Variants in LMAN2 observed in about 807,000 individuals in gnomAD.
LMAN2 encodes the protein vesicular integral-membrane protein VIP36.
A neutral mutation model predicts 39.3 loss-of-function variants in LMAN2; 22 were observed. The ratio of observed to expected loss-of-function variants is 0.56; its 90% CI spans 0.40 to 0.80. LMAN2 has a LOEUF of 0.80. Among genes scored for constraint, LMAN2 ranks in the 30% least tolerant of loss-of-function variants. LMAN2 has a pLI of 0.00. For missense variants in LMAN2, 494 were observed against 505.4 expected, an observed-to-expected ratio of 0.98 and a Z score of 0.22; for synonymous variants, 207 against 207.8, an observed-to-expected ratio of 1.00 and a Z score of 0.03.
chr5:177,339,542 A>T (rs73804303), intron 2 of LMAN2, among the ~76,000 whole-genome samples: 13,468 of 152,248 alleles, frequency 0.088, 1,286 homozygotes, highest in African/African-American at 0.25. Context: ...GTGTCAACAC[A>T]CACGGTGACA....
chr5:177,345,070 G>A (rs138036115), intron 2 of LMAN2, among the ~76,000 whole-genome samples: 196 of 152,100 alleles, frequency 1.3e-3, no homozygotes, highest in African/African-American at 4.4e-3. Context: ...GCTGGGCGCA[G>A]TGGCTCATGC....
Position 177,332,210 on chromosome 5 carries a change from C to G in LMAN2, c.947G>C (p.Gly316Ala). ...GAACACCCGCCACCCCGTCAGGGGCCCGCTGCGGAAGTTCCCCGTGGGGTC... is the reference window on the plus strand; with the variant it reads ...GAACACCCGCCACCCCGTCAGGGGCGCGCTGCGGAAGTTCCCCGTGGGGTC... ...VDDPTGNFRS[G>A]PLTGWRVFLL... Residue 316 changes from glycine (G) to alanine (A), a missense_variant, in exon 8 of 8, where the codon GGG (glycine) becomes GCG (alanine). Physicochemically the swap from Gly to Ala is moderately conservative, Grantham distance 60. Coordinates refer to ENST00000303127, the MANE Select transcript of LMAN2 (RefSeq NM_006816.3). The surrounding 1 kb of genome is among the most constrained non-coding windows in gnomAD (Gnocchi z 6.3). 1 of 1,613,234 alleles carries G rather than the reference C, an allele frequency of 6.2e-7. No individual in the cohort carries two copies. The highest frequency in any genetic ancestry group is 8.5e-7 in the Non-Finnish European group (1 of 1,179,852).
At chr5:177,347,454 T>C (rs1761652923) in intron 2 of LMAN2, among the ~76,000 whole-genome samples, 1 of 152,174 alleles carries the variant, frequency 6.6e-6, no homozygotes, top group South Asian at 2.1e-4. Context: ...AGACATACTA[T>C]GATACAGACA....
intron 2 of LMAN2, among the ~76,000 whole-genome samples, 167 bp from the exon 3 acceptor site, chr5:177,338,772 T>C (rs937647291): frequency 6.6e-6 from 1 of 152,186 alleles, no homozygotes; most frequent in Non-Finnish European, 1.5e-5. Flanking sequence ...GACCCCTAAA[T>C]GTTCTGGCCG....
chr5:177,346,461 GTT>G, intron 2 of LMAN2: 1 of 283,512 alleles, frequency 3.5e-6, no homozygotes, highest in Non-Finnish European at 6.2e-6. Context: ...ACCGGTTGTT[GTT>G]TTTTTTTTAA....
Position 177,351,554 on chromosome 5 carries a change from G to A in LMAN2, c.94C>T (p.Pro32Ser), listed in dbSNP as rs201793728. 12 of 1,614,142 alleles carry A rather than the reference G, an allele frequency of 7.4e-6. No individual in the cohort carries two copies. The Admixed American group carries it at 1.3e-4, about 18-fold the overall frequency. ...CCCAACAACAAAAGAAGAAAGAGAG[G>A]TGTAGTGGGGCCAGGGCCGGGGCCG... Reference protein sequence around the residue: ...LLGPGPGPTTPLFLLLLLGSV... With the variant: ...LLGPGPGPTTSLFLLLLLGSV... The change falls in exon 1 of 8, where the codon CCT (proline) becomes TCT (serine). Residue 32 changes from proline to serine, a missense_variant. Transcript: ENST00000303127.
At chr5:177,339,512 A>C (rs1761522771) in intron 2 of LMAN2, among the ~76,000 whole-genome samples, 2 of 152,242 alleles carry the variant, frequency 1.3e-5, no homozygotes. Context: ...GGCATCAGGA[A>C]GTCGCTTGTG....
chr5:177,348,009 C>T (rs572669068), intron 2 of LMAN2, among the ~76,000 whole-genome samples: 77 of 152,202 alleles, frequency 5.1e-4, no homozygotes, highest in Non-Finnish European at 5.4e-4. Context: ...TTTAAGAGAA[C>T]ACAGTTTCTC....
Position 177,334,403 on chromosome 5 carries a change from T to C in LMAN2, c.791A>G (p.Asp264Gly), listed in dbSNP as rs1488085588. 8.7e-6 allele frequency: 14 copies of C among 1,612,246 alleles called. No homozygotes were observed. Among genetic ancestry groups the C allele is most frequent in the Non-Finnish European group, 1.2e-5 (14 of 1,179,682 alleles). ...CTTCATGGAGATGATGTCATGATTG[T>C]CTGCAGGACCAAGAATAAACCTGTG... Reference protein sequence around the residue: ...GASAGTGDLSDNHDIISMKLF... With the variant: ...GASAGTGDLSGNHDIISMKLF... Residue 264 changes from aspartate (D) to glycine (G), a missense_variant and splice_region_variant, in exon 7 of 8, where the codon GAC (aspartate) becomes GGC (glycine). Asp to Gly is a moderately conservative substitution (Grantham distance 94, BLOSUM62 -1). Transcript: ENST00000303127.
At chr5:177,339,157 A>G (rs966774495) in intron 2 of LMAN2, among the ~76,000 whole-genome samples, 1 of 152,170 alleles carries the variant, frequency 6.6e-6, no homozygotes, top group Admixed American at 6.5e-5. Context: ...TCTGACTCCG[A>G]GAGCTCTGCT....
chr5:177,333,287 T>C (rs1046477382), intron 7 of LMAN2, among the ~76,000 whole-genome samples: 1 of 152,152 alleles, frequency 6.6e-6, no homozygotes, highest in Non-Finnish European at 1.5e-5. Context: ...ACCCAGCCCA[T>C]GGCTAGGCAC....
chr5:177,337,876 G>C lies in LMAN2; in HGVS notation c.434-91C>G. The C allele has an allele frequency of 8.8e-7, 1 of 1,130,742 alleles. No individual in the cohort carries two copies. The highest frequency in any genetic ancestry group is 2.0e-4 in the Middle Eastern group (1 of 5,038). The allele number at this position is 1,130,742 out of a possible 1,614,324, so 70.0% of individuals were successfully genotyped here. On this transcript the variant is annotated intron_variant, in intron 3 of 7. Coordinates refer to ENST00000303127, the MANE Select transcript of LMAN2 (RefSeq NM_006816.3). This position sits in a 1 kb window ranked among gnomAD's most constrained non-coding sequence, Gnocchi z 8.2. The stretch of plus-strand genomic sequence containing the variant: ...GCAAGCAATGCCAACATGGGTGGGG[G>C]CAAGAGAGCCCAACCCACTGGCCAT...
At chr5:177,338,109 T>C (rs1761501262) in intron 3 of LMAN2, among the ~76,000 whole-genome samples, 1 of 151,988 alleles carries the variant, frequency 6.6e-6, no homozygotes, top group African/African-American at 2.4e-5. Flanking sequence ...CCCTCTATAC[T>C]AGGGGCAGCA....
At chr5:177,351,049 G>C in intron 2 of LMAN2, 124 bp downstream of exon 2, 1 of 815,386 alleles carries the variant, frequency 1.2e-6, no homozygotes, top group South Asian at 1.4e-5. Flanking sequence ...GGGTGTGACC[G>C]AGATGAGGAA....
chr5:177,336,093 T>C (rs1469684403), intron 6 of LMAN2, among the ~76,000 whole-genome samples: 1 of 152,036 alleles, frequency 6.6e-6, no homozygotes, highest in Non-Finnish European at 1.5e-5. Flanking sequence ...TCAAAGATGG[T>C]AAATATTATG....
At chr5:177,345,067 G>A (rs541100591) in intron 2 of LMAN2, among the ~76,000 whole-genome samples, 8 of 152,028 alleles carry the variant, frequency 5.3e-5, no homozygotes, top group Admixed American at 1.3e-4. Flanking sequence ...CAGGCTGGGC[G>A]CAGTGGCTCA....
chr5:177,341,998 A>G (rs951189478), intron 2 of LMAN2, among the ~76,000 whole-genome samples: 4 of 151,906 alleles, frequency 2.6e-5, no homozygotes, highest in African/African-American at 9.6e-5. Flanking sequence ...AAATTAACCT[A>G]AAAGAAGACT....
At chr5:177,343,564 GACACACACAC>G (rs368470169) in intron 2 of LMAN2, among the ~76,000 whole-genome samples, 1 of 84,640 alleles carries the variant, frequency 1.2e-5, no homozygotes, top group Non-Finnish European at 2.3e-5. Flanking sequence ...ATGTGGTCTA[GACACACACAC>G]ACACACACAC....
Position 177,332,484 on chromosome 5 carries a change from G to A in LMAN2, c.911-238C>T, listed in dbSNP as rs1425908381. ...GCCCACAGGGACCCGGGACCCCAGC[G>A]ACAAGCCTGGGCTGCCTTCTGCTGC... is the stretch of plus-strand genomic sequence containing the variant. On this transcript the variant is annotated intron_variant, in intron 7 of 7. Transcript: ENST00000303127. The surrounding 1 kb of genome is among the most constrained non-coding windows in gnomAD (Gnocchi z 6.3). 1.3e-5 allele frequency among the ~76,000 whole-genome samples: 2 copies of A among 152,260 alleles called. No homozygotes were observed. Among genetic ancestry groups the A allele is most frequent in the East Asian group, 1.9e-4 (1 of 5,172 alleles).
Sources: gnomAD v4.1 joint callset for allele counts (sites outside exome capture counted in the v4.1 genomes callset) on GRCh38, gnomAD v4.1.1 for gene constraint, Gnocchi (gnomAD v3.1) non-coding constraint, MANE v1.5 for transcripts, NCBI Gene and HGNC (gene_info 2026-07-23, HGNC 2026-07-21) for gene names.